Variants in NT5C3A observed in about 807,000 individuals in gnomAD.
The protein encoded by NT5C3A is 5'-nucleotidase, cytosolic IIIA, also known as cytosolic 5'-nucleotidase 3A.
Under a neutral mutation model 40.0 loss-of-function variants are expected in NT5C3A, and 23 were observed. The ratio of observed to expected loss-of-function variants is 0.58; its 90% CI spans 0.41 to 0.81. The LOEUF (loss-of-function observed/expected upper bound fraction) is 0.81. NT5C3A is among the 40% of genes least tolerant of loss of function. The probability of loss-of-function intolerance (pLI) is 0.00; values close to 1 mark genes in which losing one functional copy is unlikely to be tolerated. For synonymous variants in NT5C3A, 130 were observed against 141.4 expected (o/e 0.92, Z 0.57); for missense variants, 328 against 403.0 (o/e 0.81, Z 1.59).
intron 1 of NT5C3A, among the ~76,000 whole-genome samples, chr7:33,039,595 G>A (rs966445882): frequency 3.5e-5 from 3 of 84,866 alleles, no homozygotes; most frequent in African/African-American, 1.4e-4. Flanking sequence ...CTGTCTTCGG[G>A]TGATTAGCAC....
At chr7:33,045,500 C>T (rs535685472) in intron 1 of NT5C3A, among the ~76,000 whole-genome samples, 16 of 151,386 alleles carry the variant, frequency 1.1e-4, no homozygotes, top group Admixed American at 5.9e-4. Context: ...CACTCTGTCA[C>T]CCAGGCTGGA....
At chr7:33,043,595 G>A (rs1156268317) in intron 1 of NT5C3A, among the ~76,000 whole-genome samples, 1 of 152,200 alleles carries the variant, frequency 6.6e-6, no homozygotes, top group East Asian at 1.9e-4. Context: ...AAGATGGCTG[G>A]TATCTTATCA....
At chr7:33,036,044 A>G (rs1462249655) in intron 1 of NT5C3A, 1 of 1,376,836 alleles carries the variant, frequency 7.3e-7, no homozygotes, top group Non-Finnish European at 1.0e-6. Context: ...TACACGTGAC[A>G]TACATAAATT....
chr7:33,039,556 TTTTTTG>T lies in NT5C3A; in HGVS notation c.139-12647_139-12642del, dbSNP rs891832872. Among the ~76,000 whole-genome samples, 5 of 39,322 alleles carry T rather than the reference TTTTTTG, an allele frequency of 1.3e-4. 1 individual carries two copies. The highest frequency in any genetic ancestry group is 8.6e-3 in the Middle Eastern group (1 of 116). 25.8% of individuals were successfully genotyped at this position (39,322 alleles called of 152,430 possible). A position where few individuals can be genotyped will look rare whatever the true frequency, so the allele number is the denominator to read the frequency against. ...ACTATTTGACTTTCTTAAGCTTGGG[TTTTTTG>T]TTTTTTTTTTTTTTTAATGTTACTG... On this transcript the variant is annotated intron_variant, in intron 1 of 8. Coordinates refer to ENST00000610140, the MANE Select transcript of NT5C3A (RefSeq NM_001002010.5).
chr7:33,017,897 T>A (rs1287981909), intron 6 of NT5C3A, among the ~76,000 whole-genome samples: 1 of 152,038 alleles, frequency 6.6e-6, no homozygotes, highest in African/African-American at 2.4e-5. Context: ...TAAAAAGAAA[T>A]AGGCAGGCAT....
At chr7:33,040,885 G>A (rs375159339) in intron 1 of NT5C3A, 11 of 985,178 alleles carry the variant, frequency 1.1e-5, no homozygotes, top group African/African-American at 8.7e-5. Context: ...GAAGGTAACC[G>A]GACGAGCTAC....
intron 1 of NT5C3A, among the ~76,000 whole-genome samples, chr7:33,033,362 T>C (rs972862238): frequency 6.6e-6 from 1 of 152,230 alleles, no homozygotes; most frequent in Non-Finnish European, 1.5e-5. Context: ...CACTACTAAA[T>C]TTTAGTAATA....
chr7:33,014,121 A>G (rs1785194871), downstream of NT5C3A: 1 of 424,688 alleles, frequency 2.4e-6, no homozygotes, highest in African/African-American at 2.1e-5. Flanking sequence ...GATAGTTTTG[A>G]CCATAGAATT....
chr7:33,059,189 C>G (rs1434147746), intron 1 of NT5C3A, among the ~76,000 whole-genome samples: 1 of 152,204 alleles, frequency 6.6e-6, no homozygotes, highest in African/African-American at 2.4e-5. Flanking sequence ...AATATTATTT[C>G]TAGCCTCAAT....
At chr7:33,022,151 A>G (rs1346454387) in intron 3 of NT5C3A, 52 bp from the exon 4 acceptor site, 3 of 927,012 alleles carry the variant, frequency 3.2e-6, no homozygotes, top group Non-Finnish European at 5.3e-6. Context: ...GATTTATGCT[A>G]CCACTACTAT....
At position 33,019,631 on chromosome 7, in the gene NT5C3A, T is replaced by A; in HGVS notation, c.530+4A>T. On this transcript the variant is annotated splice_donor_region_variant and intron_variant, in intron 6 of 8. Transcript: ENST00000610140. ...TAACAGCAAAAAACATCCAAGAAACTTACTTGAGCATAACGTCAGATTCTG... is the reference window on the plus strand; with the variant it reads ...TAACAGCAAAAAACATCCAAGAAACATACTTGAGCATAACGTCAGATTCTG... The A allele has an allele frequency of 6.4e-7, 1 of 1,558,206 alleles. No individual in the cohort carries two copies. The highest frequency in any genetic ancestry group is 8.8e-7 in the Non-Finnish European group (1 of 1,130,576).
chr7:33,039,065 A>T (rs1786765633), intron 1 of NT5C3A, among the ~76,000 whole-genome samples: 1 of 152,180 alleles, frequency 6.6e-6, no homozygotes, highest in Non-Finnish European at 1.5e-5. Flanking sequence ...AGAGTTCTTT[A>T]CAAGGAATAT....
chr7:33,037,748 A>G (rs1324648950), intron 1 of NT5C3A, among the ~76,000 whole-genome samples: 1 of 152,192 alleles, frequency 6.6e-6, no homozygotes, highest in Non-Finnish European at 1.5e-5. Context: ...ACATCTGAAA[A>G]AGAATGTATC....
At chr7:33,018,286 A>C (rs904596500) in intron 6 of NT5C3A, among the ~76,000 whole-genome samples, 3 of 152,332 alleles carry the variant, frequency 2.0e-5, no homozygotes, top group South Asian at 4.1e-4. Context: ...AGTGGCAGGA[A>C]CTTAGATGTA....
intron 1 of NT5C3A, among the ~76,000 whole-genome samples, chr7:33,041,865 C>CA (rs1225938019): frequency 6.6e-6 from 1 of 152,054 alleles, no homozygotes; most frequent in African/African-American, 2.4e-5. Context: ...GAACCTTTAT[C>CA]ATTAGGGAAC....
At chr7:33,048,860 G>T (rs764299642) in intron 1 of NT5C3A, among the ~76,000 whole-genome samples, 3 of 152,020 alleles carry the variant, frequency 2.0e-5, no homozygotes, top group Non-Finnish European at 1.5e-5. Flanking sequence ...CAAACATTCT[G>T]CTATCTCCAA....
At position 33,017,596 on chromosome 7, in the gene NT5C3A, C is replaced by A. The variant is rs997454147; in HGVS notation, c.536G>T (p.Gly179Val). The change falls in exon 7 of 9, where the codon GGA becomes GTA. Residue 179 changes from glycine (G) to valine (V), a missense_variant. Around this residue, in one of 3 missense-constraint regions of NT5C3A, gnomAD observed 280 missense variants for 317.2 expected, o/e 0.88. Transcript: ENST00000610140. ...VAESDVMLKE[G>V]YENFFDKLQQ... ...GAGCTTATCAAAGAAATTCTCATAT[C>A]CTTCTCTGTAAGATGGAGATAACAA... 7 of 1,612,486 alleles carry A rather than the reference C, an allele frequency of 4.3e-6. No individual in the cohort carries two copies. The highest frequency in any genetic ancestry group is 5.9e-6 in the Non-Finnish European group (7 of 1,178,528).
chr7:33,021,588 T>C (rs993911267), intron 4 of NT5C3A, among the ~76,000 whole-genome samples: 24 of 152,236 alleles, frequency 1.6e-4, no homozygotes, highest in East Asian at 5.8e-4. Context: ...AAACCAACAA[T>C]AAAATTATCA....
chr7:33,035,961 AT>A (rs761313196), intron 1 of NT5C3A: 2 of 1,613,350 alleles, frequency 1.2e-6, no homozygotes, highest in East Asian at 4.5e-5. Flanking sequence ...CAGACTCTTG[AT>A]TAGTCATTTC....
Sources: allele counts gnomAD v4.1 joint callset (sites outside exome capture counted in the v4.1 genomes callset), GRCh38; gene constraint gnomAD v4.1.1; regional missense constraint gnomAD v4.1.1; transcripts MANE v1.5; gene names NCBI Gene and HGNC (gene_info 2026-07-23, HGNC 2026-07-21).